The following SQOR variants were observed in gnomAD, a reference collection of about 807,000 sequenced individuals.
SQOR encodes the protein sulfide quinone oxidoreductase.
A neutral mutation model predicts 48.6 loss-of-function variants in SQOR; 39 were observed. The observed-to-expected ratio is 0.80, with a 90% CI of 0.62 to 1.05. SQOR has a LOEUF of 1.05. Among genes scored for constraint, SQOR ranks in the 50% least tolerant of loss-of-function variants. SQOR has a pLI of 0.00. For synonymous variants in SQOR, 220 were observed against 206.2 expected (o/e 1.07, Z -0.57); for missense variants, 561 against 559.9 (o/e 1.00, Z -0.02).
chr15:45,669,797 A>T (rs1442837756), intron 3 of SQOR, 131 bp from the exon 4 acceptor site: 3 of 753,762 alleles, frequency 4.0e-6, no homozygotes, highest in Non-Finnish European at 6.9e-6. Flanking sequence ...CGATTTTCTC[A>T]TCTGTTCTAT....
rs149926870 is a variant in SQOR at position 45,659,005 on chromosome 15, G to A, written c.82G>A (p.Gly28Ser). 20 of 1,603,020 alleles carry A rather than the reference G, an allele frequency of 1.2e-5. 1 individual carries two copies. Among genetic ancestry groups the A allele is most frequent in the South Asian group, 1.2e-4 (11 of 89,220 alleles). Reference sequence around the variant, plus strand: ...GCTCAGGCTGGGCACTCAGCAGGTCGGCCCCCTTCAGCTGCACACCGGGGC... The same window carrying A: ...GCTCAGGCTGGGCACTCAGCAGGTCAGCCCCCTTCAGCTGCACACCGGGGC... ...CLLRLGTQQV[G>S]PLQLHTGASH... is the part of the protein sequence containing the mutation. Residue 28 changes from glycine (G) to serine (S), a missense_variant, in exon 2 of 10, where the codon GGC becomes AGC. Gly to Ser is a moderately conservative substitution (Grantham distance 56). Coordinates refer to ENST00000260324, the MANE Select transcript of SQOR (RefSeq NM_021199.4).
chr15:45,670,319 C>G (rs1014674267), intron 4 of SQOR, among the ~76,000 whole-genome samples: 59 of 152,180 alleles, frequency 3.9e-4, no homozygotes, highest in African/African-American at 1.4e-3. Context: ...TTACATTCCG[C>G]TTTGGAAGTA....
chr15:45,639,637 T>C (rs777447051), intron 1 of SQOR, among the ~76,000 whole-genome samples: 16 of 152,246 alleles, frequency 1.1e-4, no homozygotes, highest in Non-Finnish European at 2.1e-4. Context: ...TCTTTGGCTA[T>C]TTGTTCTAAG....
intron 3 of SQOR, among the ~76,000 whole-genome samples, chr15:45,669,621 G>A (rs1480211889): frequency 6.6e-6 from 1 of 152,202 alleles, no homozygotes; most frequent in East Asian, 1.9e-4. Flanking sequence ...GGGCTAGGCA[G>A]CTTACAAAAT....
intron 1 of SQOR, among the ~76,000 whole-genome samples, chr15:45,635,696 A>T (rs1293267313): frequency 2.0e-5 from 3 of 152,178 alleles, no homozygotes; most frequent in Non-Finnish European, 4.4e-5. Context: ...ATTTATCAAA[A>T]TTCCAACCTG....
Position 45,677,039 on chromosome 15 carries a change from TA to T in SQOR, c.864+746del, listed in dbSNP as rs200916577. Among the ~76,000 whole-genome samples the T allele has an allele frequency of 5.7e-3, 721 of 127,102 alleles. 3 individuals are homozygous for T. Among genetic ancestry groups the T allele is most frequent in the East Asian group, 0.017 (79 of 4,544 alleles). 83.4% of individuals were successfully genotyped at this position (127,102 alleles called of 152,430 possible). ...CTGGGTGACAGAGTGAGACTCCGTC[TA>T]AAAAAAAAAAAAAAAAGAAATAATC... On this transcript the variant is annotated intron_variant, in intron 6 of 9. Coordinates refer to ENST00000260324, the MANE Select transcript of SQOR (RefSeq NM_021199.4).
chr15:45,689,710 G>A (rs532504121), intron 9 of SQOR, among the ~76,000 whole-genome samples: 30 of 152,174 alleles, frequency 2.0e-4, no homozygotes, highest in African/African-American at 6.3e-4. Flanking sequence ...ATGAGCCACC[G>A]CTCCTGGCCC....
chr15:45,686,766 C>T (rs541205369), intron 7 of SQOR, among the ~76,000 whole-genome samples: 1 of 152,322 alleles, frequency 6.6e-6, no homozygotes, highest in African/African-American at 2.4e-5. Context: ...TTTCCTCAAA[C>T]GTGAATCCCA....
intron 6 of SQOR, among the ~76,000 whole-genome samples, chr15:45,679,312 A>C (rs1215440657): frequency 1.3e-5 from 2 of 152,170 alleles, no homozygotes; most frequent in South Asian, 2.1e-4. Context: ...CCTCTTTATA[A>C]GAGGTTTTAA....
At chr15:45,653,324 C>T (rs1324489781) in intron 1 of SQOR, among the ~76,000 whole-genome samples, 1 of 152,164 alleles carries the variant, frequency 6.6e-6, no homozygotes, top group Non-Finnish European at 1.5e-5. Flanking sequence ...TCCCAAGGCT[C>T]CCATGATCCA....
chr15:45,691,156 A>G lies in SQOR; in HGVS notation c.*126A>G, dbSNP rs182974483. The stretch of plus-strand genomic sequence containing the variant: ...AAGAGTTCCTTGATGGGTAATGGTG[A>G]CCAAATGCCTCCCTTTTCAGTACCT... On this transcript the variant is annotated 3_prime_UTR_variant, in exon 10 of 10. Coordinates refer to ENST00000260324, the MANE Select transcript of SQOR (RefSeq NM_021199.4). 1.3e-6 allele frequency: 1 copy of G among 795,548 alleles called. No individual in the cohort carries two copies. Among genetic ancestry groups the G allele is most frequent in the East Asian group, 2.5e-5 (1 of 40,648 alleles). The allele number at this position is 795,548 out of a possible 1,614,324, so 49.3% of individuals were successfully genotyped here. A position where few individuals can be genotyped will look rare whatever the true frequency, so the allele number is the denominator to read the frequency against.
intron 9 of SQOR, among the ~76,000 whole-genome samples, chr15:45,689,910 C>G (rs902682459): frequency 2.6e-5 from 4 of 152,060 alleles, no homozygotes; most frequent in African/African-American, 7.2e-5. Flanking sequence ...AGGGAAAGTT[C>G]TGTTTAATTT....
At chr15:45,650,354 G>A (rs1012253854) in intron 1 of SQOR, among the ~76,000 whole-genome samples, 1 of 152,194 alleles carries the variant, frequency 6.6e-6, no homozygotes, top group Non-Finnish European at 1.5e-5. Flanking sequence ...CGTGTCCGGA[G>A]TTTGTTCCTT....
chr15:45,672,063 C>T (rs112383626), intron 4 of SQOR, among the ~76,000 whole-genome samples: 1,628 of 152,258 alleles, frequency 0.011, 33 homozygotes, highest in African/African-American at 0.037. Flanking sequence ...GCAACTTTTC[C>T]ATCAACGACA....
At chr15:45,655,665 G>T (rs573097299) in intron 1 of SQOR, among the ~76,000 whole-genome samples, 1 of 150,060 alleles carries the variant, frequency 6.7e-6, no homozygotes, top group African/African-American at 2.4e-5. Flanking sequence ...TTTCTGGGAA[G>T]TTGTAGAAAG....
rs114988661 is a variant in SQOR, at chr15:45,649,170, G to A, written c.-17-9737G>A. Among the ~76,000 whole-genome samples, 595 of 152,314 alleles carry A rather than the reference G, an allele frequency of 3.9e-3. 6 individuals are homozygous for A. Among genetic ancestry groups the A allele is most frequent in the African/African-American group, 0.014 (570 of 41,546 alleles). ...GCAGTCTGTATTGCTTGTCCAGGAA[G>A]GGCTGTAGTGGAAAGGTATGAAGTC... On this transcript the variant is annotated intron_variant, in intron 1 of 9. Coordinates refer to ENST00000260324, the MANE Select transcript of SQOR (RefSeq NM_021199.4).
Position 45,690,983 on chromosome 15 carries a change from G to T in SQOR, c.1306G>T (p.Gly436Ter). Residue 436 changes from glycine (G) to a stop codon, truncating the protein, a stop_gained, in exon 10 of 10, where the codon GGA becomes TGA. Coordinates refer to ENST00000260324, the MANE Select transcript of SQOR (RefSeq NM_021199.4). LOFTEE classifies it high-confidence loss of function. Reference protein sequence around the residue: ...YWNMMLRGYWGGPAFLRKLFH... With the variant: ...YWNMMLRGYW ...TGTTATTTCTTACAGGGGTTACTGGGGAGGACCAGCGTTTCTGCGCAAGTT... is the reference window on the plus strand; with the variant it reads ...TGTTATTTCTTACAGGGGTTACTGGTGAGGACCAGCGTTTCTGCGCAAGTT... The T allele has an allele frequency of 6.2e-7, 1 of 1,614,148 alleles. No individual in the cohort carries two copies. The highest frequency in any genetic ancestry group is 8.5e-7 in the Non-Finnish European group (1 of 1,180,004).
At chr15:45,635,690 A>C (rs952707542) in intron 1 of SQOR, among the ~76,000 whole-genome samples, 3 of 152,152 alleles carry the variant, frequency 2.0e-5, no homozygotes, top group Non-Finnish European at 4.4e-5. Context: ...TCTTTTATTT[A>C]TCAAAATTCC....
intron 3 of SQOR, among the ~76,000 whole-genome samples, chr15:45,667,028 CCCTT>C (rs1555401503): frequency 1.5e-4 from 4 of 26,204 alleles, no homozygotes; most frequent in African/African-American, 5.1e-4. Context: ...CTCCCTCCCT[CCCTT>C]CCTTCCTTCC....
Sources: gnomAD v4.1 joint callset for allele counts (sites outside exome capture counted in the v4.1 genomes callset) on GRCh38, gnomAD v4.1.1 for gene constraint, MANE v1.5 for transcripts, NCBI Gene and HGNC (gene_info 2026-07-23, HGNC 2026-07-21) for gene names.